Variants in GPC5 observed in about 807,000 individuals in gnomAD.
GPC5 encodes glypican-5.
Under a neutral mutation model 53.9 loss-of-function variants are expected in GPC5, and 47 were observed. That is an observed-to-expected ratio of 0.87 (90% CI 0.69 to 1.11). GPC5 has a LOEUF of 1.11. Among genes scored for constraint, GPC5 ranks in the 50% most tolerant of loss-of-function variants. The pLI, the probability that GPC5 is intolerant of heterozygous loss-of-function variation, is 0.00. For missense variants in GPC5, 748 were observed against 713.1 expected (o/e 1.05, Z -0.56); for synonymous variants, 286 against 263.3 (o/e 1.09, Z -0.84).
chr13:91,617,221 G>A (rs747279956), intron 2 of GPC5, among the ~76,000 whole-genome samples: 45 of 152,140 alleles, frequency 3.0e-4, no homozygotes, highest in Non-Finnish European at 5.9e-4. Context: ...CATATATGTT[G>A]AAATTATTGG....
chr13:92,578,952 C>T (rs1566302420), intron 7 of GPC5, among the ~76,000 whole-genome samples: 1 of 151,960 alleles, frequency 6.6e-6, no homozygotes, highest in Non-Finnish European at 1.5e-5. Context: ...AGTGATAACC[C>T]CAGAGAATTC....
chr13:91,749,051 T>C (rs1047240048), intron 4 of GPC5, among the ~76,000 whole-genome samples: 2 of 152,140 alleles, frequency 1.3e-5, no homozygotes, highest in Non-Finnish European at 2.9e-5. Context: ...TAATTTTTTA[T>C]AGATATAGTG....
At chr13:91,810,882 C>T (rs2038300267) in intron 5 of GPC5, among the ~76,000 whole-genome samples, 1 of 149,786 alleles carries the variant, frequency 6.7e-6, no homozygotes, top group Admixed American at 6.7e-5. Flanking sequence ...TTTTGAGGAA[C>T]ACCTTTCTTA....
Position 91,399,083 on chromosome 13 carries a change from C to T in GPC5, c.37C>T (p.Leu13Phe), listed in dbSNP as rs1027700330. The T allele has an allele frequency of 3.1e-6, 5 of 1,587,744 alleles. No homozygotes were observed. The African/African-American group carries it at 4.0e-5, about 13-fold the overall frequency. The change falls in exon 1 of 8, where the codon CTC (leucine) becomes TTC (phenylalanine). Residue 13 changes from leucine to phenylalanine, a missense_variant. Coordinates refer to ENST00000377067, the MANE Select transcript of GPC5 (RefSeq NM_004466.6). ...GACCTGGCCCGTGGGCTTTCGCTGC[C>T]TCCTCCTTCTGGCCCTGGTTGGGTC... is the stretch of plus-strand genomic sequence containing the variant. ...AQTWPVGFRC[L>F]LLLALVGSAR...
At chr13:91,461,817 T>C (rs1001600683) in intron 2 of GPC5, among the ~76,000 whole-genome samples, 4 of 151,984 alleles carry the variant, frequency 2.6e-5, no homozygotes, top group Non-Finnish European at 5.9e-5. Context: ...AGAAGAAGGG[T>C]GTTGGTGGTC....
At chr13:92,108,945 G>A (rs1485366835) in intron 6 of GPC5, among the ~76,000 whole-genome samples, 1 of 151,200 alleles carries the variant, frequency 6.6e-6, no homozygotes, top group African/African-American at 2.4e-5. Context: ...TTCTTCCTTA[G>A]TTCATCTTTT....
At chr13:91,984,146 A>T (rs1427664387) in intron 6 of GPC5, among the ~76,000 whole-genome samples, 1 of 152,308 alleles carries the variant, frequency 6.6e-6, no homozygotes, top group East Asian at 1.9e-4. Flanking sequence ...GGTGAAGTTA[A>T]GTCAACATTG....
intron 7 of GPC5, among the ~76,000 whole-genome samples, chr13:92,800,935 T>A (rs1435050991): frequency 6.6e-6 from 1 of 151,652 alleles, no homozygotes; most frequent in African/African-American, 2.4e-5. Context: ...TATTGTTGTG[T>A]CAACAGATAT....
intron 7 of GPC5, among the ~76,000 whole-genome samples, chr13:92,791,814 T>TTTTTTTTAAA (rs1876474085): frequency 1.3e-5 from 2 of 152,138 alleles, no homozygotes; most frequent in South Asian, 4.1e-4. Context: ...TGGCATTTAC[T>TTTTTTTTAAA]ACATTATTAT....
intron 6 of GPC5, among the ~76,000 whole-genome samples, chr13:92,009,253 CGTGTGTGTGTGT>C (rs3059952): frequency 1.4e-5 from 2 of 139,740 alleles, no homozygotes; most frequent in Non-Finnish European, 3.1e-5. Context: ...GCTGGATTTT[CGTGTGTGTGTGT>C]GTGTGTGTGT....
chr13:92,757,646 A>C (rs2139334842), intron 7 of GPC5, among the ~76,000 whole-genome samples: 1 of 151,914 alleles, frequency 6.6e-6, no homozygotes, highest in African/African-American at 2.4e-5. Flanking sequence ...AAAAAAACAA[A>C]CAACCCCATC....
At position 92,224,862 on chromosome 13, in the gene GPC5, C is replaced by A. The variant is rs140932662; in HGVS notation, c.1561+79873C>A. Among the ~76,000 whole-genome samples the A allele has an allele frequency of 4.3e-4, 66 of 152,268 alleles. No individual in the cohort carries two copies. The East Asian group carries it at 8.9e-3, about 20-fold the overall frequency. Reference sequence around the variant, plus strand: ...TTCTTACAGACTTTGCCTCATGTACCTTTTCTCTTTACTGATTTTTACTTT... The same window carrying A: ...TTCTTACAGACTTTGCCTCATGTACATTTTCTCTTTACTGATTTTTACTTT... On this transcript the variant is annotated intron_variant, in intron 7 of 7. Coordinates refer to ENST00000377067, the MANE Select transcript of GPC5 (RefSeq NM_004466.6).
intron 7 of GPC5, among the ~76,000 whole-genome samples, chr13:92,647,120 C>T (rs1885799335): frequency 6.6e-6 from 1 of 151,770 alleles, no homozygotes; most frequent in East Asian, 1.9e-4. Flanking sequence ...TTTCTTCTTC[C>T]CTTATTATTT....
chr13:92,527,028 C>T (rs1324429527), intron 7 of GPC5, among the ~76,000 whole-genome samples: 1 of 149,244 alleles, frequency 6.7e-6, no homozygotes, highest in Non-Finnish European at 1.5e-5. Flanking sequence ...AGTGAGTGGT[C>T]AGGGCTGGAC....
chr13:91,906,114 A>G (rs2039550377), intron 5 of GPC5, among the ~76,000 whole-genome samples: 1 of 152,010 alleles, frequency 6.6e-6, no homozygotes, highest in Non-Finnish European at 1.5e-5. Flanking sequence ...TCAGGGTAGA[A>G]TCTTCGGGGT....
At chr13:92,218,566 C>G (rs2042427101) in intron 7 of GPC5, among the ~76,000 whole-genome samples, 1 of 152,144 alleles carries the variant, frequency 6.6e-6, no homozygotes, top group South Asian at 2.1e-4. Context: ...CCCCTTTGTC[C>G]CCTCCCCCTG....
At chr13:91,973,468 G>A (rs1453656703) in intron 6 of GPC5, among the ~76,000 whole-genome samples, 2 of 151,660 alleles carry the variant, frequency 1.3e-5, no homozygotes, top group Admixed American at 6.6e-5. Context: ...CTCTCAACTC[G>A]TCAAAGTCAT....
chr13:91,692,040 A>G (rs2139801905), intron 2 of GPC5, among the ~76,000 whole-genome samples: 1 of 152,218 alleles, frequency 6.6e-6, no homozygotes, highest in South Asian at 2.1e-4. Context: ...CCTCATTTTG[A>G]TATACCATTT....
At chr13:92,497,423 G>A (rs1880018841) in intron 7 of GPC5, among the ~76,000 whole-genome samples, 1 of 152,106 alleles carries the variant, frequency 6.6e-6, no homozygotes. Flanking sequence ...TAGATGTGTG[G>A]TGTTATTTCT....
Sources: gnomAD v4.1 joint callset for allele counts (sites outside exome capture counted in the v4.1 genomes callset) on GRCh38, gnomAD v4.1.1 for gene constraint, MANE v1.5 for transcripts, NCBI Gene and HGNC (gene_info 2026-07-23, HGNC 2026-07-21) for gene names.